RPS6KC1: variants seen among roughly 807,000 people sequenced by gnomAD.
The protein encoded by RPS6KC1 is ribosomal protein S6 kinase C1.
In RPS6KC1, 54 loss-of-function variants were observed where a neutral mutation model predicts 103.8. That is an observed-to-expected ratio of 0.52 (90% CI 0.42 to 0.65). The LOEUF (loss-of-function observed/expected upper bound fraction) is 0.65. Among genes scored for constraint, RPS6KC1 ranks in the 30% least tolerant of loss-of-function variants. The pLI is 0.00. For missense variants in RPS6KC1, 1,151 were observed against 1,253.8 expected (o/e 0.92, Z 1.24); for synonymous variants, 439 against 438.7 (o/e 1.00, Z -0.01).
chr1:213,327,040 C>CTTTTTTTTTTTTTTTT, the RPS6KC1 span, among the ~76,000 whole-genome samples: 1 of 136,840 alleles, frequency 7.3e-6, no homozygotes, highest in Non-Finnish European at 1.6e-5. Context: ...TTTTCTTTTT[C>CTTTTTTTTTTTTTTTT]TTTTTTTTTT....
the RPS6KC1 span, among the ~76,000 whole-genome samples, chr1:213,329,940 C>CA: frequency 7.2e-5 from 11 of 152,124 alleles, no homozygotes; most frequent in African/African-American, 2.7e-4. Flanking sequence ...GGCACCCTCT[C>CA]AAAGAAACCT....
At position 213,051,531 on chromosome 1, in the gene RPS6KC1, G is replaced by A. The variant is rs201716224; in HGVS notation, c.105+22G>A. 55 of 1,561,240 alleles carry A rather than the reference G, an allele frequency of 3.5e-5. No individual in the cohort carries two copies. The East Asian group carries it at 1.1e-3, about 32-fold the overall frequency. ...CCGGGTGAGTGCCGGTGTCGGGCTG[G>A]GGTAGAGCTTGGATTGGGACCTGAG... is the stretch of plus-strand genomic sequence containing the variant. On this transcript the variant is annotated intron_variant, in intron 1 of 14. Transcript: ENST00000366960.
chr1:213,299,426 C>T, the RPS6KC1 span, among the ~76,000 whole-genome samples: 31 of 151,954 alleles, frequency 2.0e-4, no homozygotes, highest in Admixed American at 1.4e-3. Context: ...GTGGTGCACA[C>T]CTGTAATCCC....
At chr1:213,256,637 T>C (rs2094650847) in intron 12 of RPS6KC1, among the ~76,000 whole-genome samples, 1 of 152,188 alleles carries the variant, frequency 6.6e-6, no homozygotes, top group African/African-American at 2.4e-5. Flanking sequence ...TGCACAGGCT[T>C]CCTCTAGGGG....
the RPS6KC1 span, among the ~76,000 whole-genome samples, chr1:213,759,708 G>A: frequency 2.6e-5 from 4 of 152,164 alleles, no homozygotes; most frequent in Non-Finnish European, 2.9e-5. Flanking sequence ...CCCAGCCTCC[G>A]CAGCTGTAGA....
the RPS6KC1 span, among the ~76,000 whole-genome samples, chr1:213,764,904 A>AC: frequency 6.6e-6 from 1 of 152,134 alleles, no homozygotes; most frequent in Admixed American, 6.5e-5. Flanking sequence ...TCCTCAAGAG[A>AC]CCAGTCAGAA....
In RPS6KC1 at chr1:213,076,919, G is replaced by T. The variant is rs928566770; in HGVS notation, c.142-777G>T. Among the ~76,000 whole-genome samples, 13 of 151,878 alleles carry T rather than the reference G, an allele frequency of 8.6e-5. No individual in the cohort carries two copies. The East Asian group carries it at 1.4e-3, about 16-fold the overall frequency. On this transcript the variant is annotated intron_variant, in intron 2 of 14. Coordinates refer to ENST00000366960, the MANE Select transcript of RPS6KC1 (RefSeq NM_012424.6). Reference sequence around the variant, plus strand: ...GAGTCTTACTCTGTTGCTGAGGCTGGAGTGCAGTGGCACTGTGTCGGCTCA... The same window carrying T: ...GAGTCTTACTCTGTTGCTGAGGCTGTAGTGCAGTGGCACTGTGTCGGCTCA...
chr1:213,562,311 A>ATG, the RPS6KC1 span, among the ~76,000 whole-genome samples: 1 of 125,726 alleles, frequency 8.0e-6, no homozygotes, highest in African/African-American at 3.2e-5. Context: ...TCAGTGCTTT[A>ATG]TGTGTGCTTA....
chr1:213,411,055 A>G, the RPS6KC1 span, among the ~76,000 whole-genome samples: 1 of 152,172 alleles, frequency 6.6e-6, no homozygotes, highest in Non-Finnish European at 1.5e-5. Flanking sequence ...AGGAAGGCAC[A>G]AGATAAGCAA....
the RPS6KC1 span, among the ~76,000 whole-genome samples, chr1:213,707,073 A>C: frequency 6.6e-6 from 1 of 152,104 alleles, no homozygotes; most frequent in African/African-American, 2.4e-5. Flanking sequence ...CAGTAATGGG[A>C]TTGCTGGGTC....
chr1:213,770,327 T>C, the RPS6KC1 span, among the ~76,000 whole-genome samples: 1 of 152,176 alleles, frequency 6.6e-6, no homozygotes, highest in African/African-American at 2.4e-5. Context: ...TACTGGAACT[T>C]GTCAAGCCAG....
intron 14 of RPS6KC1, among the ~76,000 whole-genome samples, chr1:213,269,819 G>A (rs2095000076): frequency 6.6e-6 from 1 of 151,960 alleles, no homozygotes; most frequent in Non-Finnish European, 1.5e-5. Context: ...GGAGGCTGAG[G>A]TGTGAGGATC....
the RPS6KC1 span, among the ~76,000 whole-genome samples, chr1:213,359,684 A>C: frequency 9.2e-5 from 14 of 152,256 alleles, no homozygotes; most frequent in South Asian, 2.9e-3. Context: ...GTGTTTTTGC[A>C]GTGGCTGGTA....
intron 4 of RPS6KC1, among the ~76,000 whole-genome samples, chr1:213,115,587 T>A (rs2083500128): frequency 6.6e-6 from 1 of 152,190 alleles, no homozygotes; most frequent in Non-Finnish European, 1.5e-5. Context: ...ATTTCTTGCC[T>A]TCTACTAGCT....
At chr1:213,117,775 C>T (rs953965727) in intron 5 of RPS6KC1, among the ~76,000 whole-genome samples, 5 of 151,670 alleles carry the variant, frequency 3.3e-5, no homozygotes, top group Admixed American at 3.3e-4. Context: ...GTAATCCCTG[C>T]ACTTTGGGAG....
chr1:213,636,719 A>T, the RPS6KC1 span, among the ~76,000 whole-genome samples: 1 of 150,780 alleles, frequency 6.6e-6, no homozygotes, highest in Admixed American at 6.6e-5. Flanking sequence ...GAACTTCATG[A>T]CTAAAACACC....
chr1:213,580,423 C>G, the RPS6KC1 span, among the ~76,000 whole-genome samples: 2 of 152,072 alleles, frequency 1.3e-5, no homozygotes, highest in Non-Finnish European at 2.9e-5. Flanking sequence ...GGTAAAGATG[C>G]TGTAAACATT....
chr1:213,526,380 C>A, the RPS6KC1 span, among the ~76,000 whole-genome samples: 1 of 151,994 alleles, frequency 6.6e-6, no homozygotes, highest in Admixed American at 6.6e-5. Context: ...CACTGAGGGC[C>A]CACTTGAGCT....
At chr1:213,205,334 A>G in intron 8 of RPS6KC1, 1 of 985,050 alleles carries the variant, frequency 1.0e-6, no homozygotes, top group Non-Finnish European at 1.2e-6. Flanking sequence ...AAGATAAGTC[A>G]TGCTTTTAAG....
Sources: allele counts gnomAD v4.1 joint callset (sites outside exome capture counted in the v4.1 genomes callset), GRCh38; gene constraint gnomAD v4.1.1; transcripts MANE v1.5; gene names NCBI Gene and HGNC (gene_info 2026-07-23, HGNC 2026-07-21).